EPB41L4B: variants seen among roughly 807,000 people sequenced by gnomAD.
EPB41L4B encodes band 4.1-like protein 4B.
EPB41L4B carries 30 observed loss-of-function variants against 112.5 expected under a neutral mutation model. The ratio of observed to expected loss-of-function variants is 0.27; its 90% CI spans 0.20 to 0.36. The LOEUF (loss-of-function observed/expected upper bound fraction) is 0.36, where lower values mean the gene tolerates loss of function less well. Among genes scored for constraint, EPB41L4B ranks in the 10% least tolerant of loss-of-function variants. The pLI is 1.00. For missense variants in EPB41L4B, 1,024 were observed against 1,133.3 expected, an observed-to-expected ratio of 0.90 and a Z score of 1.38; for synonymous variants, 408 against 439.7, an observed-to-expected ratio of 0.93 and a Z score of 0.90.
At chr9:109,244,598 C>T (rs1167838364) in intron 14 of EPB41L4B, among the ~76,000 whole-genome samples, 3 of 151,818 alleles carry the variant, frequency 2.0e-5, no homozygotes, top group Non-Finnish European at 2.9e-5. Context: ...GCCACCACAC[C>T]CCGCTAATTT....
Position 109,180,966 on chromosome 9 carries a change from A to ACTC in EPB41L4B, c.2487+1760_2487+1762dup. Among the ~76,000 whole-genome samples the ACTC allele has an allele frequency of 5.0e-5, 6 of 120,428 alleles. 1 individual carries two copies. In the South Asian group the frequency reaches 1.4e-3, roughly 28 times the overall value. The allele number at this position is 120,428 out of a possible 152,430, so 79.0% of individuals were successfully genotyped here. A position where few individuals can be genotyped will look rare whatever the true frequency, so the allele number is the denominator to read the frequency against. ...TGAAAAGAAGCATGAACATTATCAA[A>ACTC]CTCTCTCTTTGTAGATGAGGAAACT... On this transcript the variant is annotated intron_variant, in intron 24 of 25. Transcript: ENST00000374566.
intron 15 of EPB41L4B, among the ~76,000 whole-genome samples, chr9:109,229,663 A>T (rs10979764): frequency 6.6e-6 from 1 of 152,192 alleles, no homozygotes; most frequent in African/African-American, 2.4e-5. Flanking sequence ...TTTAGCCTCA[A>T]TGGGGACAAT....
intron 20 of EPB41L4B, among the ~76,000 whole-genome samples, chr9:109,197,310 C>A (rs769535938): frequency 1.3e-5 from 2 of 152,148 alleles, no homozygotes; most frequent in Non-Finnish European, 2.9e-5. Context: ...GTAATCCCAG[C>A]TACTCGGCAG....
At chr9:109,249,963 A>G (rs1834719828) in intron 13 of EPB41L4B, among the ~76,000 whole-genome samples, 1 of 152,136 alleles carries the variant, frequency 6.6e-6, no homozygotes, top group Non-Finnish European at 1.5e-5. Flanking sequence ...AATATGAGGG[A>G]CCAGCTGTGT....
At chr9:109,281,725 T>TAAA (rs1267702966) in intron 1 of EPB41L4B, among the ~76,000 whole-genome samples, 1,181 of 63,318 alleles carry the variant, frequency 0.019, 2 homozygotes, top group Admixed American at 0.018. Context: ...AATAAATAAA[T>TAAA]TAATTAATTA....
At chr9:109,193,535 G>A (rs1832537044) in intron 21 of EPB41L4B, among the ~76,000 whole-genome samples, 1 of 152,230 alleles carries the variant, frequency 6.6e-6, no homozygotes, top group Non-Finnish European at 1.5e-5. Context: ...TGAAGCTCCG[G>A]TCTTGCCTTC....
At chr9:109,177,764 A>G (rs770637594) in intron 24 of EPB41L4B, among the ~76,000 whole-genome samples, 6 of 151,752 alleles carry the variant, frequency 4.0e-5, no homozygotes, top group Non-Finnish European at 7.4e-5. Flanking sequence ...GGAGTTTGCA[A>G]TGAGCCGAGG....
At chr9:109,175,578 G>C (rs1009271960) in intron 25 of EPB41L4B, among the ~76,000 whole-genome samples, 16 of 151,012 alleles carry the variant, frequency 1.1e-4, no homozygotes, top group Admixed American at 8.6e-4. Flanking sequence ...TGCCCAGGCT[G>C]GACTTGAACT....
intron 15 of EPB41L4B, among the ~76,000 whole-genome samples, chr9:109,232,175 A>G (rs1461587196): frequency 8.6e-5 from 13 of 152,044 alleles, no homozygotes; most frequent in Admixed American, 8.5e-4. Context: ...TATTTTTAGT[A>G]GAGACGGAGT....
chr9:109,173,719 T>C lies in EPB41L4B; in HGVS notation c.*835A>G, dbSNP rs1371125961. On this transcript the variant is annotated 3_prime_UTR_variant, in exon 26 of 26. Transcript: ENST00000374566. ...GGGGGTTGCTTTATTCCTGCAAAGT[T>C]GTTCAAGTGCATTAATAAAAATTTA... The C allele has an allele frequency of 2.0e-5, 3 of 152,646 alleles. No homozygotes were observed. The highest frequency in any genetic ancestry group is 4.4e-5 in the Non-Finnish European group (3 of 68,036). The allele number at this position is 152,646 out of a possible 1,614,324, so 9.5% of individuals were successfully genotyped here.
chr9:109,239,464 G>GC (rs1366521547), intron 15 of EPB41L4B, among the ~76,000 whole-genome samples: 1 of 152,190 alleles, frequency 6.6e-6, no homozygotes, highest in African/African-American at 2.4e-5. Flanking sequence ...AGAGTCAACA[G>GC]CATGATAAAA....
intron 1 of EPB41L4B, among the ~76,000 whole-genome samples, chr9:109,311,356 C>T (rs1837406620): frequency 6.6e-6 from 1 of 152,176 alleles, no homozygotes; most frequent in Admixed American, 6.5e-5. Context: ...GCTCATGAGA[C>T]AGGCATGGAA....
intron 6 of EPB41L4B, among the ~76,000 whole-genome samples, chr9:109,258,908 C>A (rs1449954822): frequency 6.6e-6 from 1 of 152,104 alleles, no homozygotes; most frequent in Non-Finnish European, 1.5e-5. Context: ...CACGAGTGAT[C>A]CGAGCAAGAA....
intron 17 of EPB41L4B, 112 bp from the exon 18 acceptor site, chr9:109,208,161 G>A: frequency 1.6e-6 from 2 of 1,272,792 alleles, no homozygotes; most frequent in Non-Finnish European, 2.2e-6. Context: ...TACATAGACA[G>A]GGGTGTCACC....
chr9:109,194,247 G>T lies in EPB41L4B; in HGVS notation c.2196C>A (p.Gly732=), dbSNP rs1175121951. 6.2e-7 allele frequency: 1 copy of T among 1,614,190 alleles called. No individual in the cohort carries two copies. The highest frequency in any genetic ancestry group is 1.7e-5 in the Admixed American group (1 of 60,018). The change falls in exon 21 of 26, where the codon GGC becomes GGA. Residue 732 remains glycine (G), a synonymous_variant. Transcript: ENST00000374566. ...TGGCCCCAGGGGACAGCAGGCCTTT[G>T]CCTTCTGACTTGTGAGGCGAGCTGA... ...QNVSSPHKSE[G]KGLLSPGAKS... is the part of the protein sequence containing the mutation.
intron 13 of EPB41L4B, 121 bp downstream of exon 13, chr9:109,251,360 G>C: frequency 1.1e-6 from 1 of 935,590 alleles, no homozygotes; most frequent in Non-Finnish European, 1.7e-6. Flanking sequence ...GCAGAAAAAG[G>C]GGAAAAAAAT....
intron 7 of EPB41L4B, among the ~76,000 whole-genome samples, chr9:109,257,286 T>C (rs1326543458): frequency 2.0e-5 from 3 of 151,716 alleles, no homozygotes; most frequent in Non-Finnish European, 4.4e-5. Context: ...TTGGGGAAGA[T>C]GGGATGGGAG....
At chr9:109,193,410 G>A (rs1338128819) in intron 21 of EPB41L4B, among the ~76,000 whole-genome samples, 3 of 152,196 alleles carry the variant, frequency 2.0e-5, no homozygotes, top group Non-Finnish European at 4.4e-5. Flanking sequence ...CGCCAGCCAG[G>A]GCAAGATAGC....
chr9:109,293,668 G>A (rs547317050), intron 1 of EPB41L4B, among the ~76,000 whole-genome samples: 5 of 144,392 alleles, frequency 3.5e-5, no homozygotes, highest in Non-Finnish European at 5.9e-5. Context: ...ACAGGGGTGA[G>A]CCACCATGCC....
Sources: allele counts gnomAD v4.1 joint callset (sites outside exome capture counted in the v4.1 genomes callset), GRCh38; gene constraint gnomAD v4.1.1; transcripts MANE v1.5; gene names NCBI Gene and HGNC (gene_info 2026-07-23, HGNC 2026-07-21).